Variants in MUC13 observed in about 807,000 individuals in gnomAD.
MUC13 encodes mucin-13.
Under a neutral mutation model 48.3 loss-of-function variants are expected in MUC13, and 32 were observed. The observed-to-expected ratio is 0.66, with a 90% CI of 0.50 to 0.89. The LOEUF (loss-of-function observed/expected upper bound fraction) is 0.89. MUC13 is among the 40% of genes least tolerant of loss of function. The probability of loss-of-function intolerance (pLI) is 0.00; values close to 1 mark genes in which losing one functional copy is unlikely to be tolerated. For missense variants in MUC13, 571 were observed against 622.8 expected (o/e 0.92, Z 0.88); for synonymous variants, 199 against 224.9 (o/e 0.88, Z 1.03).
In MUC13 at chr3:124,922,107, C is replaced by T. The variant is rs1319626059; in HGVS notation, c.744+90G>A. 7.6e-6 allele frequency: 11 copies of T among 1,454,528 alleles called. No individual in the cohort carries two copies. In the African/African-American group the frequency reaches 8.5e-5, roughly 11 times the overall value. 90.1% of individuals were successfully genotyped at this position (1,454,528 alleles called of 1,614,324 possible). A position where few individuals can be genotyped will look rare whatever the true frequency, so the allele number is the denominator to read the frequency against. ...TGAACAACTGGTACGATGGTACGAG[C>T]GTGAACCACCTGAAGACCAGCTCTA... On this transcript the variant is annotated intron_variant, in intron 4 of 11. Transcript: ENST00000616727.
At chr3:124,927,191 T>C (rs1323323620) in intron 2 of MUC13, among the ~76,000 whole-genome samples, 1 of 152,162 alleles carries the variant, frequency 6.6e-6, no homozygotes, top group Non-Finnish European at 1.5e-5. Flanking sequence ...GGACCTGGTC[T>C]TCTCAGAGCA....
intron 5 of MUC13, among the ~76,000 whole-genome samples, chr3:124,917,714 T>C (rs907467881): frequency 3.2e-4 from 40 of 125,898 alleles, no homozygotes; most frequent in African/African-American, 1.1e-3. Context: ...TAATATTTTC[T>C]ACCATAATTC....
At chr3:124,913,007 A>G in intron 8 of MUC13, 104 bp downstream of exon 8, 1 of 1,384,826 alleles carries the variant, frequency 7.2e-7, no homozygotes, top group Non-Finnish European at 9.7e-7. Context: ...AACCTATGAC[A>G]GCTTACCAGC....
At chr3:124,931,023 C>T (rs911687554) in intron 1 of MUC13, among the ~76,000 whole-genome samples, 1 of 152,164 alleles carries the variant, frequency 6.6e-6, no homozygotes, top group Non-Finnish European at 1.5e-5. Context: ...TAAAGGTGTA[C>T]AAGACACACT....
At chr3:124,912,970 G>C (rs1217602169) in intron 8 of MUC13, 141 bp downstream of exon 8, 1 of 424,128 alleles carries the variant, frequency 2.4e-6, no homozygotes, top group Non-Finnish European at 4.1e-6. Flanking sequence ...TATTGATGAT[G>C]ACAATGATGA....
chr3:124,907,657 T>G (rs555626615), intron 11 of MUC13, among the ~76,000 whole-genome samples: 3,326 of 143,906 alleles, frequency 0.023, 81 homozygotes, highest in South Asian at 0.05. Flanking sequence ...TATATATATA[T>G]AGAGAGAGAG....
rs144481864 is a variant in MUC13 at position 124,913,565 on chromosome 3, C to T, written c.1081G>A (p.Val361Ile). The change falls in exon 7 of 12, where the codon GTT becomes ATT. Residue 361 changes from valine (V) to isoleucine (I), a missense_variant. By Grantham distance (29) the Val-to-Ile change is conservative. Transcript: ENST00000616727. ...QRPNPQSPFC[V>I]ASSLKCPDAC... ...TAGAAGCAGGTGAAACACTTACCAA[C>T]GCAGAAAGGGCTCTGTGGGTTAGGC... 755 of 1,614,184 alleles carry T rather than the reference C, an allele frequency of 4.7e-4. 7 individuals carry two copies. In the East Asian group the frequency reaches 0.012, roughly 26 times the overall value.
intron 3 of MUC13, 150 bp from the exon 4 acceptor site, chr3:124,922,453 C>A: frequency 1.0e-6 from 1 of 964,216 alleles, no homozygotes; most frequent in Non-Finnish European, 1.5e-6. Context: ...TACCCATCAT[C>A]CTGCCCAACC....
chr3:124,922,836 T>A (rs1935625797), intron 3 of MUC13, among the ~76,000 whole-genome samples: 1 of 152,036 alleles, frequency 6.6e-6, no homozygotes, highest in Admixed American at 6.6e-5. Context: ...CTTGATGTAA[T>A]CATTTTTTGT....
intron 2 of MUC13, among the ~76,000 whole-genome samples, chr3:124,923,989 ATG>A (rs1935648177): frequency 1.3e-5 from 2 of 152,174 alleles, no homozygotes; most frequent in Non-Finnish European, 2.9e-5. Context: ...ACCTTGAAGC[ATG>A]GTCCTCTAAC....
rs1935301406 is a variant in MUC13 at position 124,905,533 on chromosome 3, A to G, written c.*1210T>C. ...AACAAATAAAATAACTTTTAAGAGG[A>G]CAAGGCATTAGAAATAAAAAAGGAC... On this transcript the variant is annotated 3_prime_UTR_variant, in exon 12 of 12. Coordinates refer to ENST00000616727, the MANE Select transcript of MUC13 (RefSeq NM_033049.4). The G allele has an allele frequency of 6.5e-6, 1 of 152,832 alleles. No individual in the cohort carries two copies. Among genetic ancestry groups the G allele is most frequent in the African/African-American group, 2.4e-5 (1 of 41,452 alleles). 9.5% of individuals were successfully genotyped at this position (152,832 alleles called of 1,614,324 possible). A position where few individuals can be genotyped will look rare whatever the true frequency, so the allele number is the denominator to read the frequency against.
intron 9 of MUC13, 128 bp downstream of exon 9, chr3:124,911,976 C>T (rs1255641390): frequency 7.8e-7 from 1 of 1,289,176 alleles, no homozygotes. Flanking sequence ...AAACTGGAGG[C>T]AGATGGTCTC....
At chr3:124,934,630 G>A in intron 1 of MUC13, 31 bp downstream of exon 1, 29 of 1,503,436 alleles carry the variant, frequency 1.9e-5, no homozygotes, top group Non-Finnish European at 2.7e-5. Flanking sequence ...ATACATGATT[G>A]GAAGAATTAA....
At chr3:124,934,451 C>T (rs781668321) in intron 1 of MUC13, among the ~76,000 whole-genome samples, 77 of 152,308 alleles carry the variant, frequency 5.1e-4, no homozygotes, top group Non-Finnish European at 9.1e-4. Context: ...TGAGCCACCG[C>T]GCCCAGCCCA....
chr3:124,912,078 T>G, intron 9 of MUC13, 26 bp downstream of exon 9: 1 of 1,609,500 alleles, frequency 6.2e-7, no homozygotes, highest in Non-Finnish European at 8.5e-7. Flanking sequence ...ATAACTTGTT[T>G]ATAATAGCAA....
At chr3:124,923,679 C>A in intron 2 of MUC13, 30 bp from the exon 3 acceptor site, 3 of 1,601,898 alleles carry the variant, frequency 1.9e-6, no homozygotes, top group East Asian at 2.2e-5. Flanking sequence ...GATTAGAAAT[C>A]CAGAGAAATG....
intron 4 of MUC13, among the ~76,000 whole-genome samples, chr3:124,921,307 G>A (rs1204368658): frequency 2.0e-5 from 3 of 151,866 alleles, no homozygotes; most frequent in Non-Finnish European, 2.9e-5. Context: ...CTGCCACCAC[G>A]CCTGGCTAAA....
chr3:124,933,717 AG>A, intron 1 of MUC13, among the ~76,000 whole-genome samples: 1 of 152,304 alleles, frequency 6.6e-6, no homozygotes, highest in South Asian at 2.1e-4. Flanking sequence ...CTCATCAGGA[AG>A]TTGGGTGTTC....
Position 124,920,271 on chromosome 3 carries a change from T to C in MUC13, c.763A>G (p.Thr255Ala), listed in dbSNP as rs1011095029. 2 of 1,606,240 alleles carry C rather than the reference T, an allele frequency of 1.2e-6. No homozygotes were observed. The highest frequency in any genetic ancestry group is 2.7e-5 in the African/African-American group (2 of 74,814). Reference sequence around the variant, plus strand: ...ATTACAGTCTGTCCATAAACAGATGTGCCAAATACATCTTTAAACTGTGGA... The same window carrying C: ...ATTACAGTCTGTCCATAAACAGATGCGCCAAATACATCTTTAAACTGTGGA... ...ITSLFKDVFG[T>A]SVYGQTVILT... Residue 255 changes from threonine (T) to alanine (A), a missense_variant, in exon 5 of 12, where the codon ACA (threonine) becomes GCA (alanine). Physicochemically the swap from Thr to Ala is moderately conservative, Grantham distance 58. Coordinates refer to ENST00000616727, the MANE Select transcript of MUC13 (RefSeq NM_033049.4).
Sources: allele counts gnomAD v4.1 joint callset (sites outside exome capture counted in the v4.1 genomes callset), GRCh38; gene constraint gnomAD v4.1.1; transcripts MANE v1.5; gene names NCBI Gene and HGNC (gene_info 2026-07-23, HGNC 2026-07-21).